ABHD8: variants seen among roughly 807,000 people sequenced by gnomAD.
ABHD8 encodes abhydrolase domain containing 8, also known as protein ABHD8.
In ABHD8, 10 loss-of-function variants were observed where a neutral mutation model predicts 29.3. The observed-to-expected ratio is 0.34, with a 90% confidence interval of 0.21 to 0.58. The LOEUF (loss-of-function observed/expected upper bound fraction) is 0.58. ABHD8 is among the 20% of genes least tolerant of loss of function. ABHD8 has a pLI of 0.85. For missense variants in ABHD8, 556 were observed against 615.3 expected, an observed-to-expected ratio of 0.90 and a Z score of 1.02; for synonymous variants, 282 against 274.6, an observed-to-expected ratio of 1.03 and a Z score of -0.27.
chr19:17,294,205 C>T (rs2074083090), intron 4 of ABHD8, 83 bp downstream of exon 4: 22 of 1,488,640 alleles, frequency 1.5e-5, no homozygotes, highest in Non-Finnish European at 1.9e-5. Context: ...CCAAGCGCTA[C>T]CACGCCCCCC....
At chr19:17,302,518 A>G (rs1163254361) in intron 1 of ABHD8, among the ~76,000 whole-genome samples, 6 of 152,158 alleles carry the variant, frequency 3.9e-5, no homozygotes, top group Non-Finnish European at 5.9e-5. Context: ...TTGACTCCTG[A>G]AAGGTGAGGC....
chr19:17,302,680 G>A (rs2074126086), intron 1 of ABHD8, among the ~76,000 whole-genome samples: 1 of 152,202 alleles, frequency 6.6e-6, no homozygotes, highest in African/African-American at 2.4e-5. Flanking sequence ...TGGCACCCTG[G>A]ATTCTGGGGA....
rs776992540 is a variant in ABHD8 at position 17,301,108 on chromosome 19, T to C, written c.509A>G (p.Lys170Arg). The change falls in exon 2 of 5, where the codon AAA (lysine) becomes AGA (arginine). Residue 170 changes from lysine to arginine, a missense_variant. This residue lies in a region of ABHD8 where 286 missense variants were observed against 261.4 expected (regional missense o/e 1.09). Coordinates refer to ENST00000247706, the MANE Select transcript of ABHD8 (RefSeq NM_024527.5). ...IDCEKRITSC[K>R]GAQADVVLFF... ...GAGCACCACGTCGGCCTGGGCGCCT[T>C]TGCAGCTAGTGATGCGCTTCTCACA... 1 of 1,613,240 alleles carries C rather than the reference T, an allele frequency of 6.2e-7. No homozygotes were observed. The highest frequency in any genetic ancestry group is 1.1e-5 in the South Asian group (1 of 91,084).
Position 17,299,234 on chromosome 19 carries a change from A to AT in ABHD8, c.761+1621_761+1622insA. Among the ~76,000 whole-genome samples, 3 of 128,914 alleles carry AT rather than the reference A, an allele frequency of 2.3e-5. No individual in the cohort carries two copies. The South Asian group carries it at 8.1e-4, about 35-fold the overall frequency. 84.6% of individuals were successfully genotyped at this position (128,914 alleles called of 152,430 possible). The stretch of plus-strand genomic sequence containing the variant: ...AGACCAGCCTGGGCAACATAATGAG[A>AT]CCCCCCCCCCATTCTCTATATAATT... On this transcript the variant is annotated intron_variant, in intron 2 of 4. Transcript: ENST00000247706.
At position 17,301,599 on chromosome 19, in the gene ABHD8, G is replaced by A. The variant is rs1156301493; in HGVS notation, c.18C>T (p.Thr6=). MLTGV[T]DGIFCCLLGT... ...CCAGCAGGCAACAGAAGATACCGTC[G>A]GTCACCCCGGTCAGCATGGTGTGTC... Residue 6 remains threonine, a synonymous_variant, in exon 2 of 5, where the codon ACC becomes ACT. Transcript: ENST00000247706. 1.2e-5 allele frequency: 18 copies of A among 1,553,992 alleles called. No homozygotes were observed. The highest frequency in any genetic ancestry group is 3.6e-5 in the South Asian group (3 of 82,958).
chr19:17,293,415 A>G (rs1342659251), intron 4 of ABHD8, among the ~76,000 whole-genome samples: 1 of 129,524 alleles, frequency 7.7e-6, no homozygotes, highest in Admixed American at 9.2e-5. Flanking sequence ...GATTTTGTCA[A>G]CTTCAACTCT....
intron 2 of ABHD8, among the ~76,000 whole-genome samples, chr19:17,299,859 C>T (rs570928404): frequency 2.0e-5 from 3 of 151,122 alleles, no homozygotes; most frequent in East Asian, 1.9e-4. Flanking sequence ...GATCCATCCA[C>T]AAAGTGCTGG....
Position 17,301,464 on chromosome 19 carries a change from G to T in ABHD8, c.153C>A (p.Pro51=), listed in dbSNP as rs540209346. The change falls in exon 2 of 5, where the codon CCC becomes CCA. Residue 51 remains proline, a synonymous_variant. Transcript: ENST00000247706. ...GRVLRVKHAG[P]APAAAPPPPS... ...GTGGAGGTGGGGCAGCGGCTGGGGC[G>T]GGTCCTGCATGCTTCACCCGCAGCA... 1.9e-6 allele frequency: 3 copies of T among 1,611,636 alleles called. No individual in the cohort carries two copies. The highest frequency in any genetic ancestry group is 2.2e-5 in the East Asian group (1 of 44,848).
chr19:17,294,880 A>G (rs1378233478), intron 2 of ABHD8, 35 bp from the exon 3 acceptor site: 1 of 1,603,874 alleles, frequency 6.2e-7, no homozygotes. Flanking sequence ...GGAGGATTGA[A>G]GGGAGGCGGT....
intron 2 of ABHD8, among the ~76,000 whole-genome samples, chr19:17,300,328 T>A (rs2074111725): frequency 6.6e-6 from 1 of 150,516 alleles, no homozygotes; most frequent in Non-Finnish European, 1.5e-5. Flanking sequence ...CCTCAGCCCT[T>A]AAGTAGGTGG....
At position 17,292,478 on chromosome 19, in the gene ABHD8, T is replaced by C. The variant is rs2074074657; in HGVS notation, c.*183A>G. 2 of 670,410 alleles carry C rather than the reference T, an allele frequency of 3.0e-6. No homozygotes were observed. The highest frequency in any genetic ancestry group is 1.9e-5 in the African/African-American group (1 of 52,152). 41.5% of individuals were successfully genotyped at this position (670,410 alleles called of 1,614,324 possible). The stretch of plus-strand genomic sequence containing the variant: ...CGCGGGACGGAAGCGGAGAGCGGAA[T>C]GTCCGCTGGGCTCCCTCGGATGCCA... On this transcript the variant is annotated 3_prime_UTR_variant, in exon 5 of 5. Transcript: ENST00000247706.
rs564925130 is a variant in ABHD8, at chr19:17,292,568, C to A, written c.*93G>T. The A allele has an allele frequency of 1.4e-4, 185 of 1,361,932 alleles. 4 individuals carry two copies. The South Asian group carries it at 2.6e-3, about 19-fold the overall frequency. The allele number at this position is 1,361,932 out of a possible 1,614,324, so 84.4% of individuals were successfully genotyped here. On this transcript the variant is annotated 3_prime_UTR_variant, in exon 5 of 5. Coordinates refer to ENST00000247706, the MANE Select transcript of ABHD8 (RefSeq NM_024527.5). The stretch of plus-strand genomic sequence containing the variant: ...GCCCCGCCCACCGGAGCGAACGGCC[C>A]GCCCAGGTGGTCTGCGCTGCAGACC...
intron 4 of ABHD8, among the ~76,000 whole-genome samples, chr19:17,293,887 G>A (rs1275802070): frequency 6.6e-6 from 1 of 151,918 alleles, no homozygotes; most frequent in Non-Finnish European, 1.5e-5. Context: ...AAGTGCTAAG[G>A]ATCCCCAGAC....
chr19:17,294,400 T>C lies in ABHD8; in HGVS notation c.1037A>G (p.Tyr346Cys). The C allele has an allele frequency of 6.2e-7, 1 of 1,614,060 alleles. No individual in the cohort carries two copies. Among genetic ancestry groups the C allele is most frequent in the Middle Eastern group, 1.7e-4 (1 of 6,060 alleles). ...FVLRAMMSGQ[Y>C]WPEGDEVYHA... ...GTAGACCTCGTCGCCCTCGGGCCAGTACTGGCCGCTCATCATGGCCCGGAG... is the reference window on the plus strand; with the variant it reads ...GTAGACCTCGTCGCCCTCGGGCCAGCACTGGCCGCTCATCATGGCCCGGAG... Residue 346 changes from tyrosine to cysteine, a missense_variant, in exon 4 of 5, where the codon TAC becomes TGC. Physicochemically the swap from Tyr to Cys is radical, Grantham distance 194. This residue lies in a region of ABHD8 where 270 missense variants were observed against 353.9 expected (regional missense o/e 0.76). Transcript: ENST00000247706.
Position 17,301,210 on chromosome 19 carries a change from GCGCTGCCGGGGGCCAAGCGGCCAT to G in ABHD8, c.383_406del (p.Asp128_Ser135del), listed in dbSNP as rs1275722710. 4 of 1,599,150 alleles carry G rather than the reference GCGCTGCCGGGGGCCAAGCGGCCAT, an allele frequency of 2.5e-6. No individual in the cohort carries two copies. The highest frequency in any genetic ancestry group is 1.7e-4 in the Middle Eastern group (1 of 6,018). ...ACTGCCACTGCCGCTGCCGCTGCCT[GCGCTGCCGGGGGCCAAGCGGCCAT>G]CGCTGCCCGCCGGATCTGCCAGCTC... On this transcript the variant is annotated inframe_deletion, in exon 2 of 5. Coordinates refer to ENST00000247706, the MANE Select transcript of ABHD8 (RefSeq NM_024527.5).
At chr19:17,300,337 G>C (rs2074111786) in intron 2 of ABHD8, among the ~76,000 whole-genome samples, 1 of 151,526 alleles carries the variant, frequency 6.6e-6, no homozygotes, top group Non-Finnish European at 1.5e-5. Context: ...TTAAGTAGGT[G>C]GAACTATATG....
Position 17,303,270 on chromosome 19 carries a change from G to C in ABHD8, c.-37C>G, listed in dbSNP as rs972102272. 1.3e-5 allele frequency: 2 copies of C among 152,304 alleles called. No homozygotes were observed. Among genetic ancestry groups the C allele is most frequent in the African/African-American group, 4.8e-5 (2 of 41,472 alleles). 9.4% of individuals were successfully genotyped at this position (152,304 alleles called of 1,614,324 possible). A position where few individuals can be genotyped will look rare whatever the true frequency, so the allele number is the denominator to read the frequency against. On this transcript the variant is annotated 5_prime_UTR_variant, in exon 1 of 5. Coordinates refer to ENST00000247706, the MANE Select transcript of ABHD8 (RefSeq NM_024527.5). The stretch of plus-strand genomic sequence containing the variant: ...ATCGAGGGCCGCGGGGCCCGGGTCG[G>C]GGCGGAGGGGTCCCAGGCGGAGAAG...
rs1201320788 is a variant in ABHD8 at position 17,294,744 on chromosome 19, C to T, written c.863G>A (p.Cys288Tyr). 3 of 1,614,038 alleles carry T rather than the reference C, an allele frequency of 1.9e-6. No homozygotes were observed. Among genetic ancestry groups the T allele is most frequent in the Non-Finnish European group, 2.5e-6 (3 of 1,180,050 alleles). Reference sequence around the variant, plus strand: ...GCAGGTGGGCATGTTGAAGATTGAGCAGAAGCTGGGCTCCAGCGCCGTAGG... The same window carrying T: ...GCAGGTGGGCATGTTGAAGATTGAGTAGAAGCTGGGCTCCAGCGCCGTAGG... ...GGPTALEPSF[C>Y]SIFNMPTCVL... Residue 288 changes from cysteine to tyrosine, a missense_variant, in exon 3 of 5, where the codon TGC becomes TAC. Physicochemically the swap from Cys to Tyr is radical, Grantham distance 194 (BLOSUM62 -2). Transcript: ENST00000247706.
chr19:17,299,328 G>A (rs1192360448), intron 2 of ABHD8, among the ~76,000 whole-genome samples: 1 of 151,120 alleles, frequency 6.6e-6, no homozygotes, highest in African/African-American at 2.4e-5. Context: ...TTGGGAGGCC[G>A]AGGAGGGCGA....
Sources: allele counts gnomAD v4.1 joint callset (sites outside exome capture counted in the v4.1 genomes callset), GRCh38; gene constraint gnomAD v4.1.1; regional missense constraint gnomAD v4.1.1; transcripts MANE v1.5; gene names NCBI Gene and HGNC (gene_info 2026-07-23, HGNC 2026-07-21).